The following FBXO28 variants were observed in gnomAD, a reference collection of about 807,000 sequenced individuals.
FBXO28 encodes the protein F-box protein 28.
FBXO28 carries 8 observed loss-of-function variants against 38.1 expected under a neutral mutation model. The ratio of observed to expected loss-of-function variants is 0.21; its 90% CI spans 0.12 to 0.38. The LOEUF (loss-of-function observed/expected upper bound fraction) is 0.38, where lower values mean the gene tolerates loss of function less well. FBXO28 is among the 10% of genes least tolerant of loss of function. The pLI, the probability that FBXO28 is intolerant of heterozygous loss-of-function variation, is 1.00. For missense variants in FBXO28, 345 were observed against 460.6 expected (o/e 0.75, Z 2.30); for synonymous variants, 168 against 173.8 (o/e 0.97, Z 0.26).
intron 3 of FBXO28, among the ~76,000 whole-genome samples, chr1:224,149,503 C>G (rs1657590329): frequency 6.6e-6 from 1 of 152,102 alleles, no homozygotes; most frequent in South Asian, 2.1e-4. Flanking sequence ...AAAACAAATT[C>G]TTGTGTTGAA....
intron 3 of FBXO28, among the ~76,000 whole-genome samples, chr1:224,145,560 T>C (rs1258564044): frequency 6.6e-6 from 1 of 152,202 alleles, no homozygotes; most frequent in Admixed American, 6.6e-5. Context: ...ATGACCCTCA[T>C]ATATGGTTTG....
Position 224,158,342 on chromosome 1 carries a change from A to G in FBXO28, c.*596A>G, listed in dbSNP as rs1045021118. On this transcript the variant is annotated 3_prime_UTR_variant, in exon 5 of 5. Coordinates refer to ENST00000366862, the MANE Select transcript of FBXO28 (RefSeq NM_015176.4). ...CTATATATTTTTATAAACTACTGGC[A>G]AGGAACTTACCCAGCTGTTATACAT... The G allele has an allele frequency of 1.4e-5, 7 of 513,740 alleles. No individual in the cohort carries two copies. The highest frequency in any genetic ancestry group is 1.8e-5 in the Non-Finnish European group (7 of 398,984). 31.8% of individuals were successfully genotyped at this position (513,740 alleles called of 1,614,324 possible). A position where few individuals can be genotyped will look rare whatever the true frequency, so the allele number is the denominator to read the frequency against.
intron 1 of FBXO28, among the ~76,000 whole-genome samples, chr1:224,125,123 T>C (rs952709016): frequency 3.3e-5 from 5 of 151,912 alleles, no homozygotes; most frequent in Non-Finnish European, 7.4e-5. Flanking sequence ...CTTTTTTTTT[T>C]TTTCTTTTGA....
At chr1:224,135,757 C>G (rs1657167748) in intron 3 of FBXO28, among the ~76,000 whole-genome samples, 1 of 152,020 alleles carries the variant, frequency 6.6e-6, no homozygotes, top group Non-Finnish European at 1.5e-5. Flanking sequence ...AATAATGTTG[C>G]CAGGTGCCGT....
chr1:224,119,389 G>A (rs893954805), intron 1 of FBXO28, among the ~76,000 whole-genome samples: 5 of 151,426 alleles, frequency 3.3e-5, no homozygotes, highest in Non-Finnish European at 5.9e-5. Flanking sequence ...TGCCTGCTTC[G>A]GCCTACCAAA....
At chr1:224,151,298 G>T (rs7524705) in intron 3 of FBXO28, among the ~76,000 whole-genome samples, 1 of 151,736 alleles carries the variant, frequency 6.6e-6, no homozygotes, top group South Asian at 2.1e-4. Flanking sequence ...ATCTGCCTAC[G>T]TACACCACCT....
At chr1:224,144,926 G>A (rs2102628788) in intron 3 of FBXO28, among the ~76,000 whole-genome samples, 1 of 152,138 alleles carries the variant, frequency 6.6e-6, no homozygotes, top group African/African-American at 2.4e-5. Context: ...ACATTATCTT[G>A]TTTTTATTAA....
intron 3 of FBXO28, among the ~76,000 whole-genome samples, chr1:224,148,597 G>C (rs1657567413): frequency 1.3e-5 from 2 of 152,022 alleles, no homozygotes; most frequent in African/African-American, 4.8e-5. Context: ...GGGAGGCAGA[G>C]CTTGCAGTGA....
intron 3 of FBXO28, among the ~76,000 whole-genome samples, chr1:224,138,271 G>A (rs1396964303): frequency 6.6e-6 from 1 of 151,758 alleles, no homozygotes; most frequent in Admixed American, 6.6e-5. Flanking sequence ...CTATTATCTA[G>A]GACAGGAATC....
chr1:224,151,433 C>T (rs1342320101), intron 3 of FBXO28, among the ~76,000 whole-genome samples: 2 of 152,154 alleles, frequency 1.3e-5, no homozygotes, highest in Non-Finnish European at 2.9e-5. Flanking sequence ...ATTAAGCATA[C>T]ATCATGCTCC....
chr1:224,126,175 C>T (rs1656899465), intron 1 of FBXO28, among the ~76,000 whole-genome samples: 1 of 149,004 alleles, frequency 6.7e-6, no homozygotes, highest in Admixed American at 6.8e-5. Context: ...TTGGGCCTAT[C>T]TGGTTATTCT....
intron 3 of FBXO28, among the ~76,000 whole-genome samples, chr1:224,136,669 A>G (rs1046601264): frequency 6.6e-6 from 1 of 151,046 alleles, no homozygotes; most frequent in Non-Finnish European, 1.5e-5. Flanking sequence ...CAGAGCTTGC[A>G]GTGAGCCAAG....
At chr1:224,136,775 G>A (rs1657198512) in intron 3 of FBXO28, among the ~76,000 whole-genome samples, 1 of 151,008 alleles carries the variant, frequency 6.6e-6, no homozygotes, top group South Asian at 2.1e-4. Flanking sequence ...TTTTTGAGAT[G>A]GGGTCTCGTT....
At chr1:224,143,595 C>T (rs986074340) in intron 3 of FBXO28, among the ~76,000 whole-genome samples, 6 of 152,038 alleles carry the variant, frequency 3.9e-5, no homozygotes, top group South Asian at 2.1e-4. Flanking sequence ...GAGGCCGAGG[C>T]GGGCAGATCA....
chr1:224,151,262 A>G (rs1473146754), intron 3 of FBXO28, among the ~76,000 whole-genome samples: 3 of 152,140 alleles, frequency 2.0e-5, no homozygotes. Context: ...ATGTGATTCA[A>G]AATCACACAT....
At chr1:224,155,025 A>T (rs142268718) in intron 4 of FBXO28, among the ~76,000 whole-genome samples, 1 of 151,882 alleles carries the variant, frequency 6.6e-6, no homozygotes, top group South Asian at 2.1e-4. Flanking sequence ...TTTGAGGACC[A>T]TCTGTATTTT....
At chr1:224,123,992 G>T (rs1400978766) in intron 1 of FBXO28, among the ~76,000 whole-genome samples, 1 of 152,066 alleles carries the variant, frequency 6.6e-6, no homozygotes, top group Non-Finnish European at 1.5e-5. Flanking sequence ...TGCCTATAAT[G>T]CCAACTACTT....
intron 3 of FBXO28, among the ~76,000 whole-genome samples, chr1:224,144,899 T>C (rs181527546): frequency 1.3e-5 from 2 of 152,262 alleles, no homozygotes; most frequent in Admixed American, 1.3e-4. Flanking sequence ...AGCTCACTGA[T>C]TGACCAAAAA....
chr1:224,133,901 C>T (rs952950223), intron 2 of FBXO28, among the ~76,000 whole-genome samples, 173 bp from the exon 3 acceptor site: 2 of 151,892 alleles, frequency 1.3e-5, no homozygotes, highest in African/African-American at 2.4e-5. Flanking sequence ...TCTTTGGTAA[C>T]GATTTCTAGG....
Sources: allele counts gnomAD v4.1 joint callset (sites outside exome capture counted in the v4.1 genomes callset), GRCh38; gene constraint gnomAD v4.1.1; transcripts MANE v1.5; gene names NCBI Gene and HGNC (gene_info 2026-07-23, HGNC 2026-07-21).